Variants in CNTNAP2 observed in about 807,000 individuals in gnomAD.
CNTNAP2 encodes the protein contactin associated protein 2.
Under a neutral mutation model 155.2 loss-of-function variants are expected in CNTNAP2, and 98 were observed. That is an observed-to-expected ratio of 0.63 (90% confidence interval 0.54 to 0.75). The LOEUF (loss-of-function observed/expected upper bound fraction) is 0.75, where lower values mean the gene tolerates loss of function less well. Among genes scored for constraint, CNTNAP2 ranks in the 30% least tolerant of loss-of-function variants. CNTNAP2 has a pLI of 0.00. For missense variants in CNTNAP2, 1,727 were observed against 1,688.1 expected, an observed-to-expected ratio of 1.02 and a Z score of -0.40; for synonymous variants, 651 against 631.2, an observed-to-expected ratio of 1.03 and a Z score of -0.47.
chr7:146,495,064 G>A lies in CNTNAP2; in HGVS notation c.98-279207G>A, dbSNP rs569272769. 5.9e-5 allele frequency among the ~76,000 whole-genome samples: 9 copies of A among 152,278 alleles called. No individual in the cohort carries two copies. In the South Asian group the frequency reaches 1.5e-3, roughly 25 times the overall value. The stretch of plus-strand genomic sequence containing the variant: ...TATAAGTGATTAAATTGAAGGAGGC[G>A]CTTTGGGCAATGTAGAAATAGAGCA... On this transcript the variant is annotated intron_variant, in intron 1 of 23. Transcript: ENST00000361727.
chr7:147,140,637 G>A (rs370102268), intron 8 of CNTNAP2, among the ~76,000 whole-genome samples: 1 of 152,088 alleles, frequency 6.6e-6, no homozygotes, highest in South Asian at 2.1e-4. Flanking sequence ...CTAACATATA[G>A]TGGATTGGGG....
intron 8 of CNTNAP2, among the ~76,000 whole-genome samples, chr7:147,255,667 G>A (rs1584823196): frequency 6.6e-6 from 1 of 152,058 alleles, no homozygotes; most frequent in Non-Finnish European, 1.5e-5. Context: ...TACATTTTAC[G>A]ATAAAACCAC....
At chr7:148,189,109 C>G (rs527659264) in intron 18 of CNTNAP2, among the ~76,000 whole-genome samples, 1 of 152,296 alleles carries the variant, frequency 6.6e-6, no homozygotes, top group Non-Finnish European at 1.5e-5. Context: ...GTAAGATTTT[C>G]TAAACACAGT....
At chr7:146,848,751 A>G (rs1794810384) in intron 3 of CNTNAP2, among the ~76,000 whole-genome samples, 1 of 152,194 alleles carries the variant, frequency 6.6e-6, no homozygotes, top group Non-Finnish European at 1.5e-5. Flanking sequence ...ACTTTCTGAC[A>G]TGCAACAAAA....
intron 18 of CNTNAP2, 84 bp downstream of exon 18, chr7:148,172,562 C>A: frequency 8.3e-7 from 1 of 1,201,544 alleles, no homozygotes; most frequent in South Asian, 1.2e-5. Flanking sequence ...CATATGTAAA[C>A]AAGTGTACCT....
intron 1 of CNTNAP2, among the ~76,000 whole-genome samples, chr7:146,394,197 C>G (rs1474745772): frequency 1.3e-5 from 2 of 152,000 alleles, no homozygotes; most frequent in Non-Finnish European, 2.9e-5. Context: ...GAAATTGCAT[C>G]TGGATTACCT....
intron 1 of CNTNAP2, among the ~76,000 whole-genome samples, chr7:146,581,529 A>G (rs1798610694): frequency 6.6e-6 from 1 of 152,058 alleles, no homozygotes; most frequent in African/African-American, 2.4e-5. Context: ...ATGCTGAGAG[A>G]AAAAGGAGAA....
At chr7:146,172,196 C>T (rs1167383440) in intron 1 of CNTNAP2, among the ~76,000 whole-genome samples, 3 of 151,822 alleles carry the variant, frequency 2.0e-5, no homozygotes, top group Non-Finnish European at 2.9e-5. Context: ...CCTATTTCTT[C>T]TTTTTAACCA....
intron 3 of CNTNAP2, among the ~76,000 whole-genome samples, chr7:146,960,385 T>A (rs576049678): frequency 6.6e-6 from 1 of 152,216 alleles, no homozygotes; most frequent in Non-Finnish European, 1.5e-5. Context: ...CAGTTAGGAA[T>A]TGGACAATCG....
chr7:146,548,692 T>G lies in CNTNAP2; in HGVS notation c.98-225579T>G, dbSNP rs527789050. ...CATTTTTGTTGATGTTATTATAAAG[T>G]TCTGTTATCATTGTTGTTTTTGTTA... On this transcript the variant is annotated intron_variant, in intron 1 of 23. Coordinates refer to ENST00000361727, the MANE Select transcript of CNTNAP2 (RefSeq NM_014141.6). 3.3e-5 allele frequency among the ~76,000 whole-genome samples: 5 copies of G among 152,030 alleles called. No homozygotes were observed. The South Asian group carries it at 1.0e-3, about 32-fold the overall frequency.
At chr7:147,284,017 G>A (rs762147213) in intron 8 of CNTNAP2, among the ~76,000 whole-genome samples, 27 of 151,202 alleles carry the variant, frequency 1.8e-4, no homozygotes, top group African/African-American at 6.1e-4. Context: ...TTTTCATCTC[G>A]GTGAAATCTC....
chr7:146,700,299 G>A (rs1021125230), intron 1 of CNTNAP2, among the ~76,000 whole-genome samples: 3 of 152,084 alleles, frequency 2.0e-5, no homozygotes, highest in Admixed American at 2.0e-4. Context: ...GGGGGCAGTG[G>A]TTTGCCCTGT....
At chr7:148,113,566 A>G (rs1804402193) in intron 15 of CNTNAP2, among the ~76,000 whole-genome samples, 3 of 152,214 alleles carry the variant, frequency 2.0e-5, no homozygotes, top group African/African-American at 7.2e-5. Context: ...CTGCTATGAA[A>G]TTTGTGTGAA....
At chr7:147,652,432 C>G (rs982287129) in intron 13 of CNTNAP2, among the ~76,000 whole-genome samples, 13 of 152,084 alleles carry the variant, frequency 8.5e-5, no homozygotes, top group African/African-American at 2.7e-4. Flanking sequence ...TAATAATTAT[C>G]TCCAAATTAG....
intron 16 of CNTNAP2, among the ~76,000 whole-genome samples, chr7:148,122,627 A>C (rs1804623686): frequency 6.6e-6 from 1 of 152,124 alleles, no homozygotes; most frequent in African/African-American, 2.4e-5. Context: ...CATGACCCTG[A>C]AGGCTATGGA....
chr7:146,678,100 C>T (rs1360043723), intron 1 of CNTNAP2, among the ~76,000 whole-genome samples: 4 of 152,088 alleles, frequency 2.6e-5, no homozygotes, highest in Admixed American at 6.6e-5. Flanking sequence ...CTTGCTCTGT[C>T]ACCCAGGCTG....
chr7:147,782,465 C>G (rs893673740), intron 13 of CNTNAP2, among the ~76,000 whole-genome samples: 2 of 151,990 alleles, frequency 1.3e-5, no homozygotes, highest in Non-Finnish European at 1.5e-5. Context: ...GCTGGGAAGT[C>G]CAAAAGCAAG....
At chr7:147,239,680 G>T (rs1450536610) in intron 8 of CNTNAP2, among the ~76,000 whole-genome samples, 3 of 151,862 alleles carry the variant, frequency 2.0e-5, no homozygotes, top group Admixed American at 6.6e-5. Flanking sequence ...AATATTTAAG[G>T]GTTTCATTGC....
intron 1 of CNTNAP2, among the ~76,000 whole-genome samples, chr7:146,360,099 C>A (rs1293259977): frequency 6.6e-6 from 1 of 152,192 alleles, no homozygotes. Context: ...CTACCTGATA[C>A]AATCTGAAAT....
Sources: allele counts gnomAD v4.1 joint callset (sites outside exome capture counted in the v4.1 genomes callset), GRCh38; gene constraint gnomAD v4.1.1; transcripts MANE v1.5; gene names NCBI Gene and HGNC (gene_info 2026-07-23, HGNC 2026-07-21).